The following DOCK1 variants were observed in gnomAD, a reference collection of about 807,000 sequenced individuals.
The protein encoded by DOCK1 is dedicator of cytokinesis 1.
Under a neutral mutation model 262.7 loss-of-function variants are expected in DOCK1, and 138 were observed. The ratio of observed to expected loss-of-function variants is 0.53; its 90% confidence interval spans 0.46 to 0.61. The LOEUF (loss-of-function observed/expected upper bound fraction) is 0.61, where lower values mean the gene tolerates loss of function less well. DOCK1 is among the 20% of genes least tolerant of loss of function. DOCK1 has a pLI of 0.00. For synonymous variants in DOCK1, 866 were observed against 867.4 expected (o/e 1.00, Z 0.03); for missense variants, 1,908 against 2,370.7 (o/e 0.80, Z 4.05).
At chr10:127,216,481 T>C (rs2058219427) in intron 27 of DOCK1, among the ~76,000 whole-genome samples, 1 of 152,180 alleles carries the variant, frequency 6.6e-6, no homozygotes, top group Non-Finnish European at 1.5e-5. Flanking sequence ...CTGAGCTAGC[T>C]TGTCCTGGAA....
At chr10:127,041,574 C>G (rs1011575301) in intron 19 of DOCK1, among the ~76,000 whole-genome samples, 7 of 152,118 alleles carry the variant, frequency 4.6e-5, no homozygotes, top group Admixed American at 1.3e-4. Context: ...GGAGAGATGG[C>G]CAGGAATGAA....
At chr10:127,352,165 TGGGGAGCATC>T (rs2063908639) in intron 31 of DOCK1, among the ~76,000 whole-genome samples, 1 of 117,302 alleles carries the variant, frequency 8.5e-6, no homozygotes. Context: ...CGGGGAGGGG[TGGGGAGCATC>T]GGGGAGGGGT....
intron 27 of DOCK1, among the ~76,000 whole-genome samples, chr10:127,203,085 A>G (rs1274903353): frequency 2.0e-5 from 3 of 152,228 alleles, no homozygotes; most frequent in African/African-American, 7.2e-5. Flanking sequence ...TTGCATTTCG[A>G]TAGCACTCTA....
intron 29 of DOCK1, chr10:127,257,820 A>G (rs1437010214): frequency 6.3e-6 from 1 of 158,178 alleles, no homozygotes; most frequent in Non-Finnish European, 1.4e-5. Flanking sequence ...CATTTCACAT[A>G]TTTCAGTTTT....
chr10:127,011,510 C>T (rs2041439952), intron 11 of DOCK1, among the ~76,000 whole-genome samples: 3 of 152,196 alleles, frequency 2.0e-5, no homozygotes, highest in Admixed American at 1.3e-4. Flanking sequence ...TTTCATAGTG[C>T]ACTTCGCTGT....
At chr10:126,975,271 C>T (rs183894451) in intron 2 of DOCK1, among the ~76,000 whole-genome samples, 1 of 152,156 alleles carries the variant, frequency 6.6e-6, no homozygotes, top group Admixed American at 6.5e-5. Flanking sequence ...GTTGTCCCCG[C>T]TTCCCACCAC....
At chr10:127,196,775 C>T (rs1440062070) in intron 27 of DOCK1, among the ~76,000 whole-genome samples, 1 of 151,826 alleles carries the variant, frequency 6.6e-6, no homozygotes, top group Non-Finnish European at 1.5e-5. Flanking sequence ...CCGGCTGCCG[C>T]CTGCGCGCGG....
At chr10:126,999,227 T>C (rs978832018) in intron 8 of DOCK1, 127 bp from the exon 9 acceptor site, 2 of 676,162 alleles carry the variant, frequency 3.0e-6, no homozygotes, top group Admixed American at 3.0e-5. Flanking sequence ...ATACTTTTGA[T>C]ATTTATAAAC....
At chr10:127,335,856 G>A (rs1408046239) in intron 29 of DOCK1, among the ~76,000 whole-genome samples, 5 of 151,872 alleles carry the variant, frequency 3.3e-5, no homozygotes, top group East Asian at 1.9e-4. Flanking sequence ...CTGGGACTAC[G>A]GGCACCTACC....
intron 29 of DOCK1, among the ~76,000 whole-genome samples, chr10:127,313,196 A>G (rs1006231322): frequency 6.6e-6 from 1 of 152,038 alleles, no homozygotes; most frequent in Non-Finnish European, 1.5e-5. Context: ...GTCTTCCTCT[A>G]TTTCCATGAG....
rs148676673 is a variant in DOCK1, at chr10:127,436,606, A to G, written c.5061-2421A>G. The stretch of plus-strand genomic sequence containing the variant: ...GCCCCATCATGCAGTCTTGACAATT[A>G]TCAGCTTTTAACTAATCTTTTTTTT... On this transcript the variant is annotated intron_variant, in intron 48 of 51. Coordinates refer to ENST00000623213, the MANE Select transcript of DOCK1 (RefSeq NM_001290223.2). Among the ~76,000 whole-genome samples the G allele has an allele frequency of 2.5e-3, 356 of 144,638 alleles. 2 individuals carry two copies. The highest frequency in any genetic ancestry group is 8.4e-3 in the African/African-American group (334 of 39,606). The allele number at this position is 144,638 out of a possible 152,430, so 94.9% of individuals were successfully genotyped here.
At chr10:127,009,761 C>T (rs11017776) in intron 11 of DOCK1, among the ~76,000 whole-genome samples, 3,011 of 152,084 alleles carry the variant, frequency 0.02, 68 homozygotes, top group East Asian at 0.087. Context: ...GTTTAGGAGG[C>T]GGGTAGTAAT....
rs571711582 is a variant in DOCK1, at chr10:127,309,197, G to A, written c.3045-29809G>A. Among the ~76,000 whole-genome samples, 475 of 145,222 alleles carry A rather than the reference G, an allele frequency of 3.3e-3. 7 individuals are homozygous for A. Among genetic ancestry groups the A allele is most frequent in the African/African-American group, 0.012 (455 of 37,254 alleles). ...TTTCTCTAATGATCAGTGATGTTGAGCTTTTTTTTTTCACATTTGTTGGCA... is the reference window on the plus strand; with the variant it reads ...TTTCTCTAATGATCAGTGATGTTGAACTTTTTTTTTTCACATTTGTTGGCA... On this transcript the variant is annotated intron_variant, in intron 29 of 51. Coordinates refer to ENST00000623213, the MANE Select transcript of DOCK1 (RefSeq NM_001290223.2).
At chr10:127,195,302 C>T (rs1341610426) in intron 27 of DOCK1, among the ~76,000 whole-genome samples, 1 of 152,140 alleles carries the variant, frequency 6.6e-6, no homozygotes, top group Non-Finnish European at 1.5e-5. Context: ...AGCTCGCAGT[C>T]TCTTAGGTCT....
intron 27 of DOCK1, among the ~76,000 whole-genome samples, chr10:127,208,652 T>G (rs932524780): frequency 6.6e-6 from 1 of 152,152 alleles, no homozygotes; most frequent in Non-Finnish European, 1.5e-5. Context: ...AAGCCAAGAT[T>G]TCAAGACCCC....
chr10:127,366,898 G>T (rs908026069), intron 33 of DOCK1, among the ~76,000 whole-genome samples: 3 of 152,180 alleles, frequency 2.0e-5, no homozygotes, highest in African/African-American at 7.2e-5. Flanking sequence ...GTAGGGGGAA[G>T]ATATTAGGGG....
chr10:127,197,115 A>G (rs1180671777), intron 27 of DOCK1, among the ~76,000 whole-genome samples: 1 of 152,058 alleles, frequency 6.6e-6, no homozygotes, highest in Non-Finnish European at 1.5e-5. Context: ...CAGCCTCTCT[A>G]CATGGGGACA....
chr10:127,368,640 G>A (rs1272255001), intron 33 of DOCK1, among the ~76,000 whole-genome samples: 2 of 152,006 alleles, frequency 1.3e-5, no homozygotes, highest in East Asian at 1.9e-4. Context: ...TGGGGTCTTC[G>A]CGCCCCTTAT....
At chr10:127,293,663 C>G (rs61620568) in intron 29 of DOCK1, among the ~76,000 whole-genome samples, 5 of 152,140 alleles carry the variant, frequency 3.3e-5, no homozygotes, top group Non-Finnish European at 7.4e-5. Flanking sequence ...GGGATGAGGG[C>G]GACTTGCCTG....
Sources: allele counts gnomAD v4.1 joint callset (sites outside exome capture counted in the v4.1 genomes callset), GRCh38; gene constraint gnomAD v4.1.1; transcripts MANE v1.5; gene names NCBI Gene and HGNC (gene_info 2026-07-23, HGNC 2026-07-21).